The following GALNTL6 variants were observed in gnomAD, a reference collection of about 807,000 sequenced individuals.
GALNTL6 encodes the protein polypeptide N-acetylgalactosaminyltransferase-like 6.
In GALNTL6, 46 loss-of-function variants were observed where a neutral mutation model predicts 73.7. That is an observed-to-expected ratio of 0.62 (90% CI 0.49 to 0.80). The LOEUF is 0.80. GALNTL6 is among the 30% of genes least tolerant of loss of function. The pLI is 0.00. For synonymous variants in GALNTL6, 259 were observed against 263.7 expected (o/e 0.98, Z 0.17); for missense variants, 604 against 755.0 (o/e 0.80, Z 2.34).
chr4:172,466,307 TC>T lies in GALNTL6; in HGVS notation c.553+117619del, dbSNP rs564124555. 1.4e-4 allele frequency among the ~76,000 whole-genome samples: 22 copies of T among 152,334 alleles called. No individual in the cohort carries two copies. The East Asian group carries it at 4.0e-3, about 28-fold the overall frequency. Reference sequence around the variant, plus strand: ...ACAAAAGTAATGTGATAGTTGAATTTCAAAAACAAGGTCCTATGAACTTCCA... The same window carrying T: ...ACAAAAGTAATGTGATAGTTGAATTTAAAAACAAGGTCCTATGAACTTCCA... On this transcript the variant is annotated intron_variant, in intron 5 of 12. Coordinates refer to ENST00000506823, the MANE Select transcript of GALNTL6 (RefSeq NM_001034845.3).
intron 2 of GALNTL6, among the ~76,000 whole-genome samples, chr4:172,150,495 G>A (rs1299845555): frequency 6.6e-6 from 1 of 152,192 alleles, no homozygotes; most frequent in Non-Finnish European, 1.5e-5. Context: ...TTGGGGCAGG[G>A]ACAGAAAAAT....
chr4:172,339,687 C>T (rs776794036), intron 4 of GALNTL6, among the ~76,000 whole-genome samples: 11 of 152,190 alleles, frequency 7.2e-5, no homozygotes, highest in Admixed American at 3.9e-4. Flanking sequence ...CAAGTTAGCT[C>T]CAAAGCTGGG....
intron 2 of GALNTL6, among the ~76,000 whole-genome samples, chr4:171,888,471 C>T (rs144851008): frequency 1.2e-4 from 18 of 151,666 alleles, no homozygotes; most frequent in East Asian, 5.8e-4. Context: ...ATAATCAAAT[C>T]GAGAGGAAGA....
intron 11 of GALNTL6, among the ~76,000 whole-genome samples, chr4:173,016,236 T>G (rs1221643898): frequency 1.3e-5 from 2 of 152,190 alleles, no homozygotes; most frequent in East Asian, 3.8e-4. Context: ...AATGTGGGGT[T>G]GGAGCCCCTA....
At chr4:172,232,511 C>T (rs1280383668) in intron 3 of GALNTL6, among the ~76,000 whole-genome samples, 1 of 151,534 alleles carries the variant, frequency 6.6e-6, no homozygotes, top group Non-Finnish European at 1.5e-5. Context: ...TATTCTTGTG[C>T]ATGGTTCTGG....
At chr4:172,048,477 C>T (rs1461700338) in intron 2 of GALNTL6, among the ~76,000 whole-genome samples, 1 of 152,116 alleles carries the variant, frequency 6.6e-6, no homozygotes, top group African/African-American at 2.4e-5. Context: ...TTCCCTCAGT[C>T]ACCACAGAAG....
chr4:172,044,330 C>T (rs13134541), intron 2 of GALNTL6, among the ~76,000 whole-genome samples: 47,643 of 151,518 alleles, frequency 0.31, 8,508 homozygotes, highest in East Asian at 0.63. Flanking sequence ...GTTGCCATTA[C>T]GAATGCCCTT....
At chr4:172,825,115 TTTC>T (rs1386902694) in intron 7 of GALNTL6, among the ~76,000 whole-genome samples, 4 of 149,422 alleles carry the variant, frequency 2.7e-5, no homozygotes, top group Non-Finnish European at 5.9e-5. Flanking sequence ...TCTTTCTTTC[TTTC>T]TTTCTTTCTT....
chr4:171,971,763 A>T (rs1362582188), intron 2 of GALNTL6, among the ~76,000 whole-genome samples: 2 of 152,168 alleles, frequency 1.3e-5, no homozygotes, highest in African/African-American at 2.4e-5. Flanking sequence ...TGTAACCAAA[A>T]ATTGTTTTGT....
intron 5 of GALNTL6, among the ~76,000 whole-genome samples, chr4:172,526,661 A>C (rs1005772896): frequency 2.0e-5 from 3 of 152,186 alleles, no homozygotes; most frequent in African/African-American, 7.2e-5. Context: ...ATGGTGAGAT[A>C]AGAGCTGCCA....
chr4:172,768,963 A>C (rs1738599847), intron 5 of GALNTL6, among the ~76,000 whole-genome samples: 2 of 151,978 alleles, frequency 1.3e-5, no homozygotes, highest in South Asian at 4.1e-4. Context: ...TGCTTGGAGG[A>C]AACTGACTCC....
chr4:172,698,436 C>T (rs961865614), intron 5 of GALNTL6, among the ~76,000 whole-genome samples: 3 of 152,078 alleles, frequency 2.0e-5, no homozygotes, highest in Non-Finnish European at 4.4e-5. Flanking sequence ...ATCCCATCTA[C>T]CCTCCACTCA....
intron 4 of GALNTL6, among the ~76,000 whole-genome samples, chr4:172,318,634 A>G (rs1280987691): frequency 6.6e-6 from 1 of 152,098 alleles, no homozygotes; most frequent in Non-Finnish European, 1.5e-5. Flanking sequence ...CTCAGGAGGC[A>G]GAGGTTGCAG....
chr4:171,814,351 A>G (rs1249993279), intron 1 of GALNTL6, 61 bp from the exon 2 acceptor site: 3 of 584,678 alleles, frequency 5.1e-6, no homozygotes, highest in East Asian at 5.7e-5. Flanking sequence ...TTTCTAAGCC[A>G]ATAGATAATG....
At chr4:172,919,220 G>A (rs557037137) in intron 8 of GALNTL6, among the ~76,000 whole-genome samples, 1 of 152,294 alleles carries the variant, frequency 6.6e-6, no homozygotes, top group Non-Finnish European at 1.5e-5. Context: ...TCGGGAGGAA[G>A]CTCGTGGAAA....
At chr4:172,227,889 C>T (rs1222857681) in intron 2 of GALNTL6, among the ~76,000 whole-genome samples, 2 of 152,162 alleles carry the variant, frequency 1.3e-5, no homozygotes, top group Non-Finnish European at 2.9e-5. Context: ...GGAGTTTACA[C>T]AAGAATACCT....
chr4:172,059,917 G>A (rs553200021), intron 2 of GALNTL6, among the ~76,000 whole-genome samples: 2 of 152,090 alleles, frequency 1.3e-5, no homozygotes, highest in Non-Finnish European at 2.9e-5. Context: ...GAGAGGGAAG[G>A]GAAATATGAA....
intron 5 of GALNTL6, among the ~76,000 whole-genome samples, chr4:172,475,701 A>G (rs987032390): frequency 3.3e-5 from 5 of 152,376 alleles, no homozygotes; most frequent in Admixed American, 6.5e-5. Flanking sequence ...TTAGAAATCT[A>G]GAGAATTTAG....
At chr4:172,689,864 T>C (rs1488947515) in intron 5 of GALNTL6, among the ~76,000 whole-genome samples, 1 of 152,178 alleles carries the variant, frequency 6.6e-6, no homozygotes, top group South Asian at 2.1e-4. Context: ...TAGATGATAA[T>C]GTAACCAGAC....
Sources: gnomAD v4.1 joint callset for allele counts (sites outside exome capture counted in the v4.1 genomes callset) on GRCh38, gnomAD v4.1.1 for gene constraint, MANE v1.5 for transcripts, NCBI Gene and HGNC (gene_info 2026-07-23, HGNC 2026-07-21) for gene names.